GTF2A1L: variants seen among roughly 807,000 people sequenced by gnomAD.
The protein encoded by GTF2A1L is TFIIA-alpha and beta-like factor.
In GTF2A1L, 48 loss-of-function variants were observed where a neutral mutation model predicts 49.7. The ratio of observed to expected loss-of-function variants is 0.97; its 90% CI spans 0.77 to 1.23. The LOEUF (loss-of-function observed/expected upper bound fraction) is 1.23, where lower values mean the gene tolerates loss of function less well. Among genes scored for constraint, GTF2A1L ranks in the 50% most tolerant of loss-of-function variants. The probability of loss-of-function intolerance (pLI) is 0.00; values close to 1 mark genes in which losing one functional copy is unlikely to be tolerated. For synonymous variants in GTF2A1L, 246 were observed against 193.5 expected, an observed-to-expected ratio of 1.27 and a Z score of -2.25; for missense variants, 736 against 564.8, an observed-to-expected ratio of 1.30 and a Z score of -3.07.
chr2:48,662,036 G>A (rs906475459), intron 6 of GTF2A1L, among the ~76,000 whole-genome samples: 6 of 151,898 alleles, frequency 4.0e-5, no homozygotes, highest in South Asian at 2.1e-4. Context: ...TTTCCTTTGT[G>A]TACATTCTAT....
intron 4 of GTF2A1L, among the ~76,000 whole-genome samples, chr2:48,644,024 A>T (rs781456405): frequency 2.5e-4 from 38 of 152,068 alleles, no homozygotes; most frequent in Non-Finnish European, 5.1e-4. Flanking sequence ...TAAAAAAATT[A>T]GCCAAGCATG....
rs576762424 is a variant in GTF2A1L, at chr2:48,651,006, G to A, written c.978+3964G>A. On this transcript the variant is annotated intron_variant, in intron 6 of 8. Transcript: ENST00000403751. ...TATGAAGTTCTGCAAATTTTTACTA[G>A]CCATTGGGAAAATAGGGTTCTTTCA... Among the ~76,000 whole-genome samples, 150 of 152,162 alleles carry A rather than the reference G, an allele frequency of 9.9e-4. 1 individual carries two copies. Among genetic ancestry groups the A allele is most frequent in the African/African-American group, 3.4e-3 (140 of 41,518 alleles).
At chr2:48,663,754 C>T (rs1678652448) in intron 6 of GTF2A1L, among the ~76,000 whole-genome samples, 1 of 152,084 alleles carries the variant, frequency 6.6e-6, no homozygotes, top group South Asian at 2.1e-4. Context: ...ATTCTCCTGC[C>T]TCAGCCTCCT....
At chr2:48,666,707 A>G (rs956152615) in intron 6 of GTF2A1L, among the ~76,000 whole-genome samples, 2 of 151,804 alleles carry the variant, frequency 1.3e-5, no homozygotes, top group Non-Finnish European at 2.9e-5. Flanking sequence ...TGACCCCTTC[A>G]CATGAAATTT....
chr2:48,663,799 C>T (rs1678654968), intron 6 of GTF2A1L, among the ~76,000 whole-genome samples: 2 of 152,058 alleles, frequency 1.3e-5, no homozygotes, highest in African/African-American at 4.8e-5. Flanking sequence ...ACAACCATAC[C>T]TGGCTAATTT....
intron 5 of GTF2A1L, among the ~76,000 whole-genome samples, chr2:48,645,675 G>C (rs1476246604): frequency 6.6e-6 from 1 of 152,118 alleles, no homozygotes; most frequent in Non-Finnish European, 1.5e-5. Context: ...TTGAGATGGA[G>C]TCTCGCTCTG....
chr2:48,673,663 A>C (rs6747475), intron 8 of GTF2A1L, among the ~76,000 whole-genome samples: 34,992 of 151,994 alleles, frequency 0.23, 4,175 homozygotes, highest in African/African-American at 0.27. Context: ...ACACAGGAAT[A>C]TTTAGAAATG....
chr2:48,667,456 A>G (rs1678916731), intron 6 of GTF2A1L, among the ~76,000 whole-genome samples: 1 of 152,138 alleles, frequency 6.6e-6, no homozygotes, highest in African/African-American at 2.4e-5. Flanking sequence ...GCTTTTGTTC[A>G]TTGTTAGTAT....
chr2:48,635,996 AT>A (rs1676867137), intron 3 of GTF2A1L, among the ~76,000 whole-genome samples: 1 of 152,122 alleles, frequency 6.6e-6, no homozygotes, highest in African/African-American at 2.4e-5. Flanking sequence ...TTTCTCTCTC[AT>A]GTACTGGGGC....
chr2:48,654,383 G>C (rs888622032), intron 6 of GTF2A1L, among the ~76,000 whole-genome samples: 1 of 152,040 alleles, frequency 6.6e-6, no homozygotes, highest in Non-Finnish European at 1.5e-5. Context: ...TGTATATGGT[G>C]CAAGGTTAGG....
intron 6 of GTF2A1L, 37 bp downstream of exon 6, chr2:48,647,079 C>T (rs1206051983): frequency 1.3e-5 from 19 of 1,491,094 alleles, no homozygotes; most frequent in Non-Finnish European, 1.6e-5. Flanking sequence ...TATCAGGGGA[C>T]AGATAGTGGC....
intron 8 of GTF2A1L, among the ~76,000 whole-genome samples, chr2:48,671,965 A>T (rs1051448084): frequency 6.6e-6 from 1 of 152,250 alleles, no homozygotes; most frequent in Non-Finnish European, 1.5e-5. Flanking sequence ...GTAAATCAAC[A>T]GCTAAAATAT....
At chr2:48,623,011 T>A (rs1676094314) in intron 3 of GTF2A1L, among the ~76,000 whole-genome samples, 1 of 152,160 alleles carries the variant, frequency 6.6e-6, no homozygotes, top group Non-Finnish European at 1.5e-5. Context: ...GCAGTTAGAA[T>A]AATAGAAATA....
chr2:48,671,198 T>C (rs1270339022), intron 7 of GTF2A1L, among the ~76,000 whole-genome samples: 1 of 151,826 alleles, frequency 6.6e-6, no homozygotes, highest in Non-Finnish European at 1.5e-5. Flanking sequence ...TTTATTTCTT[T>C]GTTTTGTTTT....
chr2:48,636,604 C>T (rs1676901105), intron 3 of GTF2A1L, among the ~76,000 whole-genome samples: 1 of 152,112 alleles, frequency 6.6e-6, no homozygotes, highest in Non-Finnish European at 1.5e-5. Flanking sequence ...GAGAAAAAGG[C>T]ATACTTTGTC....
chr2:48,672,741 T>C (rs1450709125), intron 8 of GTF2A1L, among the ~76,000 whole-genome samples: 2 of 152,224 alleles, frequency 1.3e-5, no homozygotes, highest in Non-Finnish European at 2.9e-5. Flanking sequence ...TTGTCCTTAA[T>C]TCATGAATAT....
chr2:48,649,506 C>G (rs1439329565), intron 6 of GTF2A1L, among the ~76,000 whole-genome samples: 1 of 152,176 alleles, frequency 6.6e-6, no homozygotes, highest in African/African-American at 2.4e-5. Context: ...TTTTGAATCC[C>G]TTCTCTATTC....
intron 8 of GTF2A1L, among the ~76,000 whole-genome samples, chr2:48,677,706 G>A (rs1679547930): frequency 6.6e-6 from 1 of 151,998 alleles, no homozygotes; most frequent in Admixed American, 6.6e-5. Flanking sequence ...TGAGGCTATT[G>A]TATTGACCTG....
chr2:48,679,464 T>G lies in GTF2A1L; in HGVS notation c.*22T>G, dbSNP rs778179088. 1 of 1,611,036 alleles carries G rather than the reference T, an allele frequency of 6.2e-7. No homozygotes were observed. The highest frequency in any genetic ancestry group is 1.1e-5 in the South Asian group (1 of 90,698). ...GTAAACCTTGTGAGCTCAGTACATCTATTTTGTGAACATCAGTTGGATTAT... is the reference window on the plus strand; with the variant it reads ...GTAAACCTTGTGAGCTCAGTACATCGATTTTGTGAACATCAGTTGGATTAT... On this transcript the variant is annotated 3_prime_UTR_variant, in exon 9 of 9. Transcript: ENST00000403751.
Sources: gnomAD v4.1 joint callset for allele counts (sites outside exome capture counted in the v4.1 genomes callset) on GRCh38, gnomAD v4.1.1 for gene constraint, MANE v1.5 for transcripts, NCBI Gene and HGNC (gene_info 2026-07-23, HGNC 2026-07-21) for gene names.